The following RBFOX1 variants were observed in gnomAD, a reference collection of about 807,000 sequenced individuals.
RBFOX1 encodes the protein RNA binding protein fox-1 homolog 1.
RBFOX1 carries 8 observed loss-of-function variants against 57.7 expected under a neutral mutation model. The observed-to-expected ratio is 0.14, with a 90% CI of 0.08 to 0.25. RBFOX1 has a LOEUF of 0.25. Among genes scored for constraint, RBFOX1 ranks in the 10% least tolerant of loss-of-function variants. The pLI is 1.00. For missense variants in RBFOX1, 611 were observed against 548.5 expected, an observed-to-expected ratio of 1.11 and a Z score of -1.14; for synonymous variants, 326 against 222.4, an observed-to-expected ratio of 1.47 and a Z score of -4.15.
chr16:7,326,725 A>G lies in RBFOX1; in HGVS notation c.28-191422A>G, dbSNP rs192926025. 1.8e-4 allele frequency among the ~76,000 whole-genome samples: 27 copies of G among 152,170 alleles called. No homozygotes were observed. In the East Asian group the frequency reaches 2.1e-3, roughly 12 times the overall value. ...GTATATCGTCCTTAATCAGAAACAT[A>G]AAAGGGCGACAGAGCCCAGATCCCC... On this transcript the variant is annotated intron_variant, in intron 4 of 15. Transcript: ENST00000550418.
chr16:5,807,269 G>C (rs1393589480), intron 3 of RBFOX1, among the ~76,000 whole-genome samples: 6 of 152,176 alleles, frequency 3.9e-5, no homozygotes, highest in Non-Finnish European at 8.8e-5. Flanking sequence ...CTGTGGATAT[G>C]AATTGCATCT....
chr16:7,218,360 G>C (rs553030002), intron 4 of RBFOX1, among the ~76,000 whole-genome samples: 1 of 152,114 alleles, frequency 6.6e-6, no homozygotes, highest in African/African-American at 2.4e-5. Flanking sequence ...ACCTTCTTCA[G>C]TATGCTTCCT....
intron 2 of RBFOX1, among the ~76,000 whole-genome samples, chr16:6,539,797 C>G (rs1414092163): frequency 1.6e-5 from 1 of 60,954 alleles, no homozygotes; most frequent in Non-Finnish European, 4.3e-5. Context: ...GGCTGCATCT[C>G]AAAACACAGA....
chr16:6,447,788 C>T (rs975023003), intron 2 of RBFOX1, among the ~76,000 whole-genome samples: 2 of 152,104 alleles, frequency 1.3e-5, no homozygotes, highest in African/African-American at 4.8e-5. Context: ...GTAAATTAAA[C>T]CTTTTATTCA....
intron 4 of RBFOX1, among the ~76,000 whole-genome samples, chr16:7,214,047 C>T (rs73541910): frequency 6.6e-6 from 1 of 151,598 alleles, no homozygotes; most frequent in South Asian, 2.1e-4. Context: ...AGAAACTGGT[C>T]CTTTCTGGAA....
intron 4 of RBFOX1, among the ~76,000 whole-genome samples, chr16:7,189,644 C>G (rs931552396): frequency 1.3e-5 from 2 of 151,834 alleles, no homozygotes; most frequent in Non-Finnish European, 1.5e-5. Flanking sequence ...ATCTGTATCT[C>G]ATTTTCCCTT....
At chr16:7,085,502 C>A (rs752382747) in intron 4 of RBFOX1, among the ~76,000 whole-genome samples, 1 of 152,138 alleles carries the variant, frequency 6.6e-6, no homozygotes, top group East Asian at 1.9e-4. Flanking sequence ...TTGACCGATT[C>A]ACCACCACTG....
chr16:6,827,238 C>T (rs956707075), intron 3 of RBFOX1, among the ~76,000 whole-genome samples: 4 of 151,052 alleles, frequency 2.6e-5, no homozygotes, highest in Non-Finnish European at 5.9e-5. Context: ...ATCTCATTTT[C>T]TCCTAAAGTT....
intron 5 of RBFOX1, among the ~76,000 whole-genome samples, chr16:7,526,600 C>A (rs373892680): frequency 6.6e-6 from 1 of 152,254 alleles, no homozygotes; most frequent in East Asian, 1.9e-4. Flanking sequence ...CATGTACTTA[C>A]ATTGAAAGTT....
intron 3 of RBFOX1, among the ~76,000 whole-genome samples, chr16:6,860,772 AC>A (rs1481365769): frequency 3.3e-5 from 5 of 152,230 alleles, no homozygotes; most frequent in African/African-American, 1.2e-4. Context: ...ATGTTGAACA[AC>A]AACAAAAAGT....
At chr16:7,531,781 A>C (rs1203278521) in intron 5 of RBFOX1, among the ~76,000 whole-genome samples, 1 of 152,190 alleles carries the variant, frequency 6.6e-6, no homozygotes, top group Non-Finnish European at 1.5e-5. Context: ...TTCCCTGCTA[A>C]CTATTTCAAT....
chr16:5,660,904 A>C (rs77965707), intron 3 of RBFOX1, among the ~76,000 whole-genome samples: 6,492 of 152,206 alleles, frequency 0.043, 474 homozygotes, highest in African/African-American at 0.15. Context: ...CAAATTGAGG[A>C]TGAATTGCCT....
At chr16:7,268,576 ATTATGCGC>A (rs2095237375) in intron 4 of RBFOX1, among the ~76,000 whole-genome samples, 2 of 152,202 alleles carry the variant, frequency 1.3e-5, no homozygotes, top group Non-Finnish European at 2.9e-5. Flanking sequence ...TAAAGAACAG[ATTATGCGC>A]TGGATGGTTT....
At chr16:6,680,151 T>C (rs530305930) in intron 3 of RBFOX1, among the ~76,000 whole-genome samples, 76 of 152,180 alleles carry the variant, frequency 5.0e-4, no homozygotes, top group African/African-American at 1.7e-3. Context: ...TAGGGTTGTG[T>C]TTGGGAATGA....
chr16:6,773,921 G>T lies in RBFOX1; in HGVS notation c.-16+119271G>T, dbSNP rs898297074. On this transcript the variant is annotated intron_variant, in intron 3 of 15. Coordinates refer to ENST00000550418, the MANE Select transcript of RBFOX1 (RefSeq NM_018723.4). ...GCATGGAGTGCATTTGCGTTGCGGG[G>T]GTGTGGAGTGTGTTTGTGTGTGTGC... 7 of 984,382 alleles carry T rather than the reference G, an allele frequency of 7.1e-6. No homozygotes were observed. In the African/African-American group the frequency reaches 1.1e-4, roughly 15 times the overall value. The allele number at this position is 984,382 out of a possible 1,614,324, so 61.0% of individuals were successfully genotyped here. A position where few individuals can be genotyped will look rare whatever the true frequency, so the allele number is the denominator to read the frequency against.
At chr16:5,870,031 A>G (rs2057430614) in intron 4 of RBFOX1, among the ~76,000 whole-genome samples, 1 of 151,862 alleles carries the variant, frequency 6.6e-6, no homozygotes, top group Non-Finnish European at 1.5e-5. Flanking sequence ...AACCTGTATG[A>G]CTCTTAGTAA....
At chr16:7,506,579 T>A (rs7501104) in intron 4 of RBFOX1, among the ~76,000 whole-genome samples, 31,962 of 146,174 alleles carry the variant, frequency 0.22, 3,530 homozygotes, top group African/African-American at 0.3. Context: ...TACCATCACC[T>A]TCATCATCAT....
At chr16:6,629,660 C>T (rs1231677154) in intron 2 of RBFOX1, among the ~76,000 whole-genome samples, 2 of 152,076 alleles carry the variant, frequency 1.3e-5, no homozygotes, top group South Asian at 2.1e-4. Flanking sequence ...GAGATGACAA[C>T]GAGATTTTAA....
intron 2 of RBFOX1, among the ~76,000 whole-genome samples, chr16:6,539,903 C>T (rs1250562966): frequency 6.6e-6 from 1 of 151,574 alleles, no homozygotes; most frequent in Non-Finnish European, 1.5e-5. Context: ...ACTTTTAAAC[C>T]TTCTCCACCA....
Sources: gnomAD v4.1 joint callset for allele counts (sites outside exome capture counted in the v4.1 genomes callset) on GRCh38, gnomAD v4.1.1 for gene constraint, MANE v1.5 for transcripts, NCBI Gene and HGNC (gene_info 2026-07-23, HGNC 2026-07-21) for gene names.